Variants in VPS13B observed in about 807,000 individuals in gnomAD.
VPS13B encodes the protein vacuolar protein sorting 13 homolog B.
Under a neutral mutation model 426.4 loss-of-function variants are expected in VPS13B, and 285 were observed. That is an observed-to-expected ratio of 0.67 (90% CI 0.61 to 0.74). The LOEUF (loss-of-function observed/expected upper bound fraction) is 0.74. Ranked by LOEUF, VPS13B falls within the 30% of genes least tolerant of loss-of-function variation. The probability of loss-of-function intolerance (pLI) is 0.00; values close to 1 mark genes in which losing one functional copy is unlikely to be tolerated. For missense variants in VPS13B, 4,537 were observed against 4,782.6 expected, an observed-to-expected ratio of 0.95 and a Z score of 1.51; for synonymous variants, 1,676 against 1,676.4, an observed-to-expected ratio of 1.00 and a Z score of 0.01.
rs761967964 is a variant in VPS13B, at chr8:99,142,960, T to C, written c.1652-14T>C. On this transcript the variant is annotated splice_polypyrimidine_tract_variant and intron_variant, in intron 12 of 61. Transcript: ENST00000357162. ...CCAATTGATGCTTAAAATATAAAAT[T>C]TGACTTCTTTTAGGTTCCACAAATC... 6.2e-7 allele frequency: 1 copy of C among 1,607,438 alleles called. No homozygotes were observed. Among genetic ancestry groups the C allele is most frequent in the African/African-American group, 1.3e-5 (1 of 74,548 alleles).
At chr8:99,041,769 C>T (rs1842974040) in intron 3 of VPS13B, among the ~76,000 whole-genome samples, 1 of 151,606 alleles carries the variant, frequency 6.6e-6, no homozygotes, top group South Asian at 2.1e-4. Flanking sequence ...AGGAGAATGG[C>T]ATGAACCCGC....
rs79341764 is a variant in VPS13B at position 99,137,321 on chromosome 8, C to T, written c.1651+569C>T. 4.0e-5 allele frequency among the ~76,000 whole-genome samples: 6 copies of T among 150,956 alleles called. 1 individual carries two copies. The South Asian group carries it at 8.3e-4, about 21-fold the overall frequency. ...AGTCTTTTTTATGTTGAAAAGTTAGCGAAAATAGGTTCACAGTTTTTTTTG... is the reference window on the plus strand; with the variant it reads ...AGTCTTTTTTATGTTGAAAAGTTAGTGAAAATAGGTTCACAGTTTTTTTTG... On this transcript the variant is annotated intron_variant, in intron 12 of 61. Transcript: ENST00000357162.
At chr8:99,046,890 G>C (rs1843267864) in intron 3 of VPS13B, among the ~76,000 whole-genome samples, 1 of 152,060 alleles carries the variant, frequency 6.6e-6, no homozygotes, top group Non-Finnish European at 1.5e-5. Flanking sequence ...CTTGATCATG[G>C]GTGGATTATC....
chr8:99,470,765 G>A (rs1219514539), intron 24 of VPS13B, among the ~76,000 whole-genome samples: 7 of 150,446 alleles, frequency 4.7e-5, no homozygotes, highest in Admixed American at 4.7e-4. Flanking sequence ...TTGCAAATTT[G>A]GGGAAAGAGA....
intron 17 of VPS13B, chr8:99,234,329 G>C: frequency 1.3e-6 from 1 of 752,968 alleles, no homozygotes; most frequent in Non-Finnish European, 2.5e-6. Flanking sequence ...CCCGTGTTGA[G>C]CCAAAGGTGC....
In VPS13B at chr8:99,832,423, C is replaced by T. The variant is rs746491629; in HGVS notation, c.9385C>T (p.Pro3129Ser). 7.0e-6 allele frequency: 11 copies of T among 1,574,004 alleles called. No homozygotes were observed. Among genetic ancestry groups the T allele is most frequent in the East Asian group, 2.3e-5 (1 of 42,866 alleles). ...TAGCATTTGCCCAGGTGGAGAGCAG[C>T]CTGCTATGAAATCCAGCTCCCTTCC... ...TFSICPGGEQPAMKSSSLPCW... is the reference protein window; with the variant it reads ...TFSICPGGEQSAMKSSSLPCW... The change falls in exon 52 of 62, where the codon CCT (proline) becomes TCT (serine). Residue 3129 changes from proline (P) to serine (S), a missense_variant. Pro to Ser is a moderately conservative substitution (Grantham distance 74). This residue lies in a region of VPS13B where 4,311 missense variants were observed against 4,474.3 expected (regional missense o/e 0.96). Coordinates refer to ENST00000357162, the MANE Select transcript of VPS13B (RefSeq NM_152564.5).
At chr8:99,013,379 G>C (rs755754712) in intron 1 of VPS13B, 32 bp downstream of exon 1, 70 of 313,582 alleles carry the variant, frequency 2.2e-4, no homozygotes, top group Non-Finnish European at 3.9e-4. Context: ...GAGGGAGCGG[G>C]AGCGGGACGG....
At chr8:99,227,958 T>C (rs1475926321) in intron 17 of VPS13B, among the ~76,000 whole-genome samples, 1 of 152,220 alleles carries the variant, frequency 6.6e-6, no homozygotes, top group Non-Finnish European at 1.5e-5. Context: ...GATGCATTGC[T>C]GTAGGCAATT....
intron 23 of VPS13B, among the ~76,000 whole-genome samples, chr8:99,462,705 C>T (rs568451801): frequency 3.6e-4 from 55 of 152,140 alleles, no homozygotes; most frequent in African/African-American, 1.3e-3. Context: ...CCTTAACATC[C>T]AATGTGATGT....
chr8:99,215,777 G>A (rs1380153656), intron 17 of VPS13B, among the ~76,000 whole-genome samples: 1 of 152,142 alleles, frequency 6.6e-6, no homozygotes, highest in Non-Finnish European at 1.5e-5. Flanking sequence ...ACTCCTAGAA[G>A]GAAAGCGGAT....
rs182024223 is a variant in VPS13B at position 99,292,271 on chromosome 8, A to G, written c.2824+17017A>G. ...TTAACACAACTGTTGATGCATTTAG[A>G]GTGAAACATCTTTATCAAGTTAATA... On this transcript the variant is annotated intron_variant, in intron 19 of 61. Transcript: ENST00000357162. Among the ~76,000 whole-genome samples, 259 of 152,314 alleles carry G rather than the reference A, an allele frequency of 1.7e-3. 3 individuals carry two copies. The Middle Eastern group carries it at 0.037, about 22-fold the overall frequency.
intron 43 of VPS13B, among the ~76,000 whole-genome samples, chr8:99,796,074 A>T (rs79559070): frequency 6.6e-6 from 1 of 152,210 alleles, no homozygotes; most frequent in Admixed American, 6.5e-5. Flanking sequence ...AATAAGAGCT[A>T]TGAGGAAAAC....
intron 2 of VPS13B, among the ~76,000 whole-genome samples, chr8:99,037,834 A>G (rs1842813969): frequency 9.8e-6 from 1 of 102,522 alleles, no homozygotes; most frequent in Non-Finnish European, 2.2e-5. Flanking sequence ...GTGAAGTGGA[A>G]TACTTTTTTT....
In VPS13B at chr8:99,641,961, C is replaced by A. The variant is rs1427111855; in HGVS notation, c.5371C>A (p.Gln1791Lys). 3 of 1,614,128 alleles carry A rather than the reference C, an allele frequency of 1.9e-6. No individual in the cohort carries two copies. The highest frequency in any genetic ancestry group is 2.5e-6 in the Non-Finnish European group (3 of 1,180,016). Residue 1791 changes from glutamine (Q) to lysine (K), a missense_variant, in exon 34 of 62, where the codon CAG becomes AAG. By Grantham distance (53) the Gln-to-Lys change is moderately conservative. This residue lies in a region of VPS13B where 4,311 missense variants were observed against 4,474.3 expected (regional missense o/e 0.96). Transcript: ENST00000357162. Reference sequence around the variant, plus strand: ...AATAGAGCAGCACAGTGGTGCCAGTCAGCATCGCATTGCCCGTCCCTCACG... The same window carrying A: ...AATAGAGCAGCACAGTGGTGCCAGTAAGCATCGCATTGCCCGTCCCTCACG... ...VQIEQHSGAS[Q>K]HRIARPSRQS... is the part of the protein sequence containing the mutation.
intron 21 of VPS13B, among the ~76,000 whole-genome samples, chr8:99,412,478 G>A (rs1202651776): frequency 6.6e-6 from 1 of 152,124 alleles, no homozygotes; most frequent in African/African-American, 2.4e-5. Flanking sequence ...TGGCTAAGCT[G>A]GTGGGGTTTT....
chr8:99,684,972 T>C (rs1187478372), intron 35 of VPS13B, among the ~76,000 whole-genome samples: 2 of 152,234 alleles, frequency 1.3e-5, no homozygotes, highest in African/African-American at 4.8e-5. Context: ...TGGCTAATTT[T>C]TTGTATTTTT....
intron 25 of VPS13B, among the ~76,000 whole-genome samples, chr8:99,497,214 T>C (rs1189264766): frequency 3.5e-5 from 5 of 141,314 alleles, no homozygotes; most frequent in Admixed American, 7.3e-5. Flanking sequence ...ATTTAATATA[T>C]ATAAATACAT....
intron 19 of VPS13B, among the ~76,000 whole-genome samples, chr8:99,351,133 G>A (rs1423112261): frequency 6.6e-6 from 1 of 152,132 alleles, no homozygotes; most frequent in Non-Finnish European, 1.5e-5. Flanking sequence ...AATTGAAAAT[G>A]CTATTCTGAA....
intron 23 of VPS13B, among the ~76,000 whole-genome samples, chr8:99,464,899 A>G (rs956588288): frequency 1.3e-5 from 2 of 152,152 alleles, no homozygotes; most frequent in Non-Finnish European, 2.9e-5. Flanking sequence ...TAATGATAAT[A>G]TAGAGGGGTA....
Sources: gnomAD v4.1 joint callset for allele counts (sites outside exome capture counted in the v4.1 genomes callset) on GRCh38, gnomAD v4.1.1 for gene constraint, gnomAD v4.1.1 regional missense constraint, MANE v1.5 for transcripts, NCBI Gene and HGNC (gene_info 2026-07-23, HGNC 2026-07-21) for gene names.